The following BAZ2B variants were observed in gnomAD, a reference collection of about 807,000 sequenced individuals.
BAZ2B encodes bromodomain adjacent to zinc finger domain 2B.
Under a neutral mutation model 246.0 loss-of-function variants are expected in BAZ2B, and 91 were observed. The ratio of observed to expected loss-of-function variants is 0.37; its 90% confidence interval spans 0.31 to 0.44. BAZ2B has a LOEUF of 0.44. Among genes scored for constraint, BAZ2B ranks in the 20% least tolerant of loss-of-function variants. The probability of loss-of-function intolerance (pLI) is 1.00; values close to 1 mark genes in which losing one functional copy is unlikely to be tolerated. For synonymous variants in BAZ2B, 855 were observed against 860.0 expected, an observed-to-expected ratio of 0.99 and a Z score of 0.10; for missense variants, 2,332 against 2,533.7, an observed-to-expected ratio of 0.92 and a Z score of 1.71.
chr2:159,414,588 G>A (rs962409549), intron 13 of BAZ2B, among the ~76,000 whole-genome samples: 2 of 151,988 alleles, frequency 1.3e-5, no homozygotes, highest in Non-Finnish European at 2.9e-5. Context: ...AGGCTGAGGC[G>A]GGTGGATCTC....
chr2:159,603,434 T>G (rs1427150354), intron 1 of BAZ2B, among the ~76,000 whole-genome samples: 1 of 152,178 alleles, frequency 6.6e-6, no homozygotes, highest in Non-Finnish European at 1.5e-5. Flanking sequence ...CAAGCTCCAA[T>G]TTCACCACTA....
chr2:159,570,318 G>A (rs1194206893), intron 1 of BAZ2B, among the ~76,000 whole-genome samples: 1 of 151,902 alleles, frequency 6.6e-6, no homozygotes, highest in African/African-American at 2.4e-5. Context: ...CCGAGCAGTT[G>A]GGACTACAGG....
chr2:159,392,065 C>T (rs2063399526), intron 20 of BAZ2B: 1 of 152,164 alleles, frequency 6.6e-6, no homozygotes, highest in African/African-American at 2.4e-5. Context: ...GCTTGTCTCA[C>T]ATCTCACAAT....
chr2:159,685,364 A>G, the BAZ2B span, among the ~76,000 whole-genome samples: 3 of 152,206 alleles, frequency 2.0e-5, no homozygotes, highest in African/African-American at 4.8e-5. Context: ...CTTAAGAATT[A>G]CAAATGGGAT....
intron 1 of BAZ2B, among the ~76,000 whole-genome samples, chr2:159,591,169 TATAACCA>T (rs1349950576): frequency 3.9e-5 from 6 of 152,196 alleles, no homozygotes; most frequent in Non-Finnish European, 7.3e-5. Flanking sequence ...CATTTAAAAG[TATAACCA>T]TTACACAGAA....
chr2:159,534,844 C>T (rs13398520), intron 2 of BAZ2B, among the ~76,000 whole-genome samples: 4,722 of 152,108 alleles, frequency 0.031, 247 homozygotes, highest in African/African-American at 0.11. Flanking sequence ...TGACTTCAGG[C>T]GATCCACCTG....
At chr2:159,579,510 G>T (rs1014904758) in intron 1 of BAZ2B, among the ~76,000 whole-genome samples, 14 of 152,150 alleles carry the variant, frequency 9.2e-5, no homozygotes, top group Non-Finnish European at 2.1e-4. Flanking sequence ...AGAGGAGCTG[G>T]TACCATTCCT....
At chr2:159,534,686 G>T (rs945348099) in intron 2 of BAZ2B, among the ~76,000 whole-genome samples, 1 of 151,178 alleles carries the variant, frequency 6.6e-6, no homozygotes, top group Admixed American at 6.6e-5. Flanking sequence ...GGAGGGCAGT[G>T]GCGCCCACCT....
chr2:159,531,960 G>C (rs1412830773), intron 2 of BAZ2B, among the ~76,000 whole-genome samples: 1 of 152,008 alleles, frequency 6.6e-6, no homozygotes, highest in Non-Finnish European at 1.5e-5. Context: ...TTTGCTTTAT[G>C]TACCTGAAAT....
At chr2:159,492,801 A>T (rs775409324) in intron 2 of BAZ2B, among the ~76,000 whole-genome samples, 2 of 152,208 alleles carry the variant, frequency 1.3e-5, no homozygotes, top group Non-Finnish European at 1.5e-5. Flanking sequence ...TTCATACTTC[A>T]ATGACAGAAG....
At chr2:159,482,939 T>A (rs144147847) in intron 2 of BAZ2B, among the ~76,000 whole-genome samples, 2 of 152,278 alleles carry the variant, frequency 1.3e-5, no homozygotes, top group East Asian at 3.9e-4. Context: ...GGCCAGAGCA[T>A]CCACATCTGA....
In BAZ2B at chr2:159,453,702, G is replaced by A; in HGVS notation, c.245C>T (p.Ala82Val). ...VSHPVFGLHS[A>V]SSGHSEFGGL... The stretch of plus-strand genomic sequence containing the variant: ...ACCAAATTCTGAATGCCCTGAGCTG[G>A]CTGAATGTAGACCAAAGACTGGGTG... Residue 82 changes from alanine to valine, a missense_variant, in exon 4 of 37, where the codon GCC (alanine) becomes GTC (valine). By Grantham distance (64) the Ala-to-Val change is moderately conservative (BLOSUM62 0). Around this residue, in one of 9 missense-constraint regions of BAZ2B, gnomAD observed 242 missense variants for 237.4 expected, o/e 1.02. Transcript: ENST00000392783. The A allele has an allele frequency of 6.2e-7, 1 of 1,613,724 alleles. No homozygotes were observed. The highest frequency in any genetic ancestry group is 8.5e-7 in the Non-Finnish European group (1 of 1,179,822).
At chr2:159,612,247 C>A (rs148899258) in intron 1 of BAZ2B, among the ~76,000 whole-genome samples, 87 of 151,818 alleles carry the variant, frequency 5.7e-4, no homozygotes, top group African/African-American at 2.0e-3. Context: ...CTTCCTAGAA[C>A]AAAAGTTTAA....
chr2:159,400,686 C>G (rs1308532101), intron 16 of BAZ2B, 22 bp from the exon 17 acceptor site: 1 of 1,322,794 alleles, frequency 7.6e-7, no homozygotes, highest in Non-Finnish European at 1.1e-6. Flanking sequence ...GTTATGATAA[C>G]TTGAGATAAT....
chr2:159,657,868 A>G, the BAZ2B span, among the ~76,000 whole-genome samples: 1 of 152,180 alleles, frequency 6.6e-6, no homozygotes, highest in African/African-American at 2.4e-5. Context: ...GATTCTTTAA[A>G]TCTGCAAACA....
chr2:159,618,988 C>T (rs1420013963), upstream of BAZ2B, among the ~76,000 whole-genome samples: 1 of 151,810 alleles, frequency 6.6e-6, no homozygotes, highest in African/African-American at 2.4e-5. Flanking sequence ...ACAATGGTTT[C>T]ATAATGATAT....
chr2:159,398,781 A>G, intron 18 of BAZ2B, 48 bp downstream of exon 18: 1 of 1,526,470 alleles, frequency 6.6e-7, no homozygotes, highest in South Asian at 1.2e-5. Flanking sequence ...TATAACATAT[A>G]GTTTTTATTT....
intron 2 of BAZ2B, among the ~76,000 whole-genome samples, chr2:159,484,016 C>T (rs2079543827): frequency 6.6e-6 from 1 of 152,120 alleles, no homozygotes; most frequent in Non-Finnish European, 1.5e-5. Context: ...TTTTCTGACA[C>T]ACCATCTCCC....
chr2:159,324,681 CACACACACCTG>C, intron 36 of BAZ2B, 119 bp downstream of exon 36: 1 of 275,604 alleles, frequency 3.6e-6, no homozygotes, highest in Non-Finnish European at 6.5e-6. Context: ...CACACACACA[CACACACACCTG>C]CCTCAAAGGC....
Sources: allele counts gnomAD v4.1 joint callset (sites outside exome capture counted in the v4.1 genomes callset), GRCh38; gene constraint gnomAD v4.1.1; regional missense constraint gnomAD v4.1.1; transcripts MANE v1.5; gene names NCBI Gene and HGNC (gene_info 2026-07-23, HGNC 2026-07-21).